Variants in GRIN2A observed in about 807,000 individuals in gnomAD.
The protein encoded by GRIN2A is glutamate ionotropic receptor NMDA type subunit 2A.
A neutral mutation model predicts 113.4 loss-of-function variants in GRIN2A; 22 were observed. That is an observed-to-expected ratio of 0.19 (90% CI 0.14 to 0.28). The LOEUF is 0.28. Ranked by LOEUF, GRIN2A falls within the 10% of genes least tolerant of loss-of-function variation. GRIN2A has a pLI of 1.00. For synonymous variants in GRIN2A, 827 were observed against 738.4 expected (o/e 1.12, Z -1.94); for missense variants, 1,502 against 1,887.0 (o/e 0.80, Z 3.78).
intron 2 of GRIN2A, among the ~76,000 whole-genome samples, chr16:10,062,295 CA>C (rs1209657327): frequency 6.6e-6 from 1 of 151,902 alleles, no homozygotes; most frequent in African/African-American, 2.4e-5. Flanking sequence ...CAGTAGAAAA[CA>C]AAAAAAGTAT....
At chr16:9,848,545 T>A (rs2042817021) in intron 5 of GRIN2A, among the ~76,000 whole-genome samples, 1 of 150,674 alleles carries the variant, frequency 6.6e-6, no homozygotes, top group East Asian at 1.9e-4. Context: ...AAAAATACGA[T>A]GTTTTATATT....
chr16:9,914,551 A>G (rs923260076), intron 3 of GRIN2A, among the ~76,000 whole-genome samples: 4 of 152,166 alleles, frequency 2.6e-5, no homozygotes, highest in South Asian at 2.1e-4. Context: ...AAATTTCCCA[A>G]TGCACAAGTT....
intron 2 of GRIN2A, among the ~76,000 whole-genome samples, chr16:10,036,646 C>T (rs991532977): frequency 4.0e-5 from 6 of 151,382 alleles, no homozygotes; most frequent in African/African-American, 7.3e-5. Flanking sequence ...TGGCGTTTCA[C>T]TGTGTTAGCC....
intron 3 of GRIN2A, among the ~76,000 whole-genome samples, chr16:9,903,691 A>T (rs1473473952): frequency 2.0e-5 from 3 of 152,176 alleles, no homozygotes; most frequent in African/African-American, 4.8e-5. Flanking sequence ...TTCAGGTTAG[A>T]CGCATCCTCT....
chr16:9,983,298 A>G (rs2045924575), intron 2 of GRIN2A, among the ~76,000 whole-genome samples: 1 of 152,222 alleles, frequency 6.6e-6, no homozygotes, highest in East Asian at 1.9e-4. Flanking sequence ...TCTACTTTCT[A>G]CTTCCATGAG....
chr16:9,991,451 T>C (rs1567221397), intron 2 of GRIN2A, among the ~76,000 whole-genome samples: 1 of 152,236 alleles, frequency 6.6e-6, no homozygotes, highest in Non-Finnish European at 1.5e-5. Context: ...TTTTGTTATA[T>C]GGATATATTG....
intron 4 of GRIN2A, among the ~76,000 whole-genome samples, chr16:9,864,718 G>A (rs960879237): frequency 6.6e-6 from 1 of 152,142 alleles, no homozygotes; most frequent in Non-Finnish European, 1.5e-5. Context: ...GAACCTGGAG[G>A]TATCAATCAG....
intron 4 of GRIN2A, among the ~76,000 whole-genome samples, chr16:9,859,948 T>C (rs993121049): frequency 6.6e-6 from 1 of 152,096 alleles, no homozygotes; most frequent in African/African-American, 2.4e-5. Context: ...CGGGTAATAC[T>C]GGAAGCCCTG....
At chr16:10,163,223 A>G (rs891644271) in intron 2 of GRIN2A, among the ~76,000 whole-genome samples, 1 of 152,276 alleles carries the variant, frequency 6.6e-6, no homozygotes, top group African/African-American at 2.4e-5. Context: ...TGTGCTTTTC[A>G]TGGGAGAAAG....
At chr16:10,012,049 T>A (rs9788939) in intron 2 of GRIN2A, among the ~76,000 whole-genome samples, 28,610 of 151,914 alleles carry the variant, frequency 0.19, 2,988 homozygotes, top group East Asian at 0.35. Flanking sequence ...CAATCAGTGA[T>A]ACTTGGAAAT....
intron 3 of GRIN2A, among the ~76,000 whole-genome samples, chr16:9,929,433 T>C (rs886071548): frequency 6.6e-6 from 1 of 152,206 alleles, no homozygotes; most frequent in African/African-American, 2.4e-5. Context: ...ATTATAGCTC[T>C]TTTAACACCT....
intron 5 of GRIN2A, among the ~76,000 whole-genome samples, chr16:9,848,059 T>A (rs2042808128): frequency 6.8e-6 from 1 of 146,988 alleles, no homozygotes; most frequent in Non-Finnish European, 1.5e-5. Flanking sequence ...AACATATAAA[T>A]ATATATTTTA....
intron 2 of GRIN2A, among the ~76,000 whole-genome samples, chr16:9,984,781 A>C (rs2045950728): frequency 6.6e-6 from 1 of 152,180 alleles, no homozygotes; most frequent in South Asian, 2.1e-4. Context: ...CTCATTTTAG[A>C]ATTCATGGGG....
At chr16:9,923,952 C>T (rs2044404299) in intron 3 of GRIN2A, among the ~76,000 whole-genome samples, 1 of 151,768 alleles carries the variant, frequency 6.6e-6, no homozygotes, top group African/African-American at 2.4e-5. Context: ...CATGGTGAGA[C>T]CTCATCTCTA....
At chr16:9,788,740 C>CTTTTTTTTTT (rs748774026) in intron 11 of GRIN2A, among the ~76,000 whole-genome samples, 1 of 104,864 alleles carries the variant, frequency 9.5e-6, no homozygotes. Flanking sequence ...TTTAAGTCTT[C>CTTTTTTTTTT]TTTTTTTTTT....
At chr16:9,830,274 A>G (rs1362329868) in intron 8 of GRIN2A, among the ~76,000 whole-genome samples, 1 of 152,230 alleles carries the variant, frequency 6.6e-6, no homozygotes, top group Non-Finnish European at 1.5e-5. Context: ...TTGCAGGGTC[A>G]TGGAAAATGA....
intron 2 of GRIN2A, among the ~76,000 whole-genome samples, chr16:10,167,824 T>G (rs1336945493): frequency 1.3e-5 from 2 of 152,212 alleles, no homozygotes; most frequent in Non-Finnish European, 2.9e-5. Context: ...AATTTCAGGT[T>G]CGTTTTTCTT....
chr16:10,164,190 T>C (rs2049860675), intron 2 of GRIN2A, among the ~76,000 whole-genome samples: 1 of 152,220 alleles, frequency 6.6e-6, no homozygotes, highest in South Asian at 2.1e-4. Flanking sequence ...CTCACAACCT[T>C]TGTCAATTAA....
At chr16:10,170,665 C>T (rs992982402) in intron 2 of GRIN2A, among the ~76,000 whole-genome samples, 1 of 152,022 alleles carries the variant, frequency 6.6e-6, no homozygotes, top group Non-Finnish European at 1.5e-5. Flanking sequence ...TGCTTGAGTC[C>T]AGGAGTTCAA....
Sources: allele counts gnomAD v4.1 joint callset (sites outside exome capture counted in the v4.1 genomes callset), GRCh38; gene constraint gnomAD v4.1.1; transcripts MANE v1.5; gene names NCBI Gene and HGNC (gene_info 2026-07-23, HGNC 2026-07-21).